TSC22D1: variants seen among roughly 807,000 people sequenced by gnomAD.
TSC22D1 encodes the protein TSC22 domain family member 1, also known as TSC22 domain family protein 1.
TSC22D1 carries 9 observed loss-of-function variants against 74.2 expected under a neutral mutation model. That is an observed-to-expected ratio of 0.12 (90% confidence interval 0.07 to 0.21). TSC22D1 has a LOEUF of 0.21. Among genes scored for constraint, TSC22D1 ranks in the 10% least tolerant of loss-of-function variants. The probability of loss-of-function intolerance (pLI) is 1.00; values close to 1 mark genes in which losing one functional copy is unlikely to be tolerated. For synonymous variants in TSC22D1, 586 were observed against 492.5 expected (o/e 1.19, Z -2.51); for missense variants, 1,427 against 1,304.7 (o/e 1.09, Z -1.44).
intron 1 of TSC22D1, among the ~76,000 whole-genome samples, chr13:44,551,956 T>G (rs1483689915): frequency 6.6e-6 from 1 of 152,198 alleles, no homozygotes; most frequent in African/African-American, 2.4e-5. Flanking sequence ...TCACTCTTAT[T>G]TGGCACAGTA....
At position 44,576,259 on chromosome 13, in the gene TSC22D1, G is replaced by A. The variant is rs1884237713; in HGVS notation, c.-185C>T. On this transcript the variant is annotated 5_prime_UTR_variant, in exon 1 of 3. Transcript: ENST00000458659. ...CTTCGAGAGCGAGCTTCGGAAAGGAGGATGAACGAGGGTGAACAGGGCGGC... is the reference window on the plus strand; with the variant it reads ...CTTCGAGAGCGAGCTTCGGAAAGGAAGATGAACGAGGGTGAACAGGGCGGC... The A allele has an allele frequency of 4.6e-6, 4 of 860,702 alleles. No individual in the cohort carries two copies. In the South Asian group the frequency reaches 5.7e-5, roughly 12 times the overall value. The allele number at this position is 860,702 out of a possible 1,614,324, so 53.3% of individuals were successfully genotyped here. A position where few individuals can be genotyped will look rare whatever the true frequency, so the allele number is the denominator to read the frequency against.
intron 1 of TSC22D1, 179 bp from the exon 2 acceptor site, chr13:44,436,274 G>A (rs1874615846): frequency 1.1e-6 from 1 of 869,614 alleles, no homozygotes; most frequent in Middle Eastern, 3.4e-4. Context: ...GAATATCCAG[G>A]CATCTCCCTA....
rs756458634 is a variant in TSC22D1, at chr13:44,573,540, A to T, written c.2535T>A (p.Pro845=). The change falls in exon 1 of 3, where the codon CCT becomes CCA. Residue 845 remains proline (P), a synonymous_variant. Transcript: ENST00000458659. The part of the protein sequence containing the change: ...QVSSTGPSGM[P]SAPTNLVPPQ... ...GTGGAACCAAGTTTGTTGGGGCAGA[A>T]GGCATTCCAGAAGGACCAGTTGAAC... is the stretch of plus-strand genomic sequence containing the variant. The T allele has an allele frequency of 6.2e-7, 1 of 1,614,262 alleles. No homozygotes were observed.
At chr13:44,458,754 G>C (rs1876819901) in intron 1 of TSC22D1, among the ~76,000 whole-genome samples, 1 of 152,184 alleles carries the variant, frequency 6.6e-6, no homozygotes, top group African/African-American at 2.4e-5. Flanking sequence ...CCAAGCCTGG[G>C]CGCTGTCCGA....
chr13:44,554,131 A>G (rs1882466992), intron 1 of TSC22D1, among the ~76,000 whole-genome samples: 1 of 152,228 alleles, frequency 6.6e-6, no homozygotes, highest in South Asian at 2.1e-4. Context: ...AACTATCAAG[A>G]ACTGAGCCAG....
intron 1 of TSC22D1, among the ~76,000 whole-genome samples, chr13:44,529,659 G>A (rs1880726489): frequency 6.6e-6 from 1 of 152,072 alleles, no homozygotes; most frequent in African/African-American, 2.4e-5. Flanking sequence ...GTTTGCAGAT[G>A]ATATGATTGT....
intron 1 of TSC22D1, among the ~76,000 whole-genome samples, chr13:44,526,050 C>T (rs1361806056): frequency 1.3e-5 from 2 of 152,054 alleles, no homozygotes; most frequent in Non-Finnish European, 2.9e-5. Context: ...TGCAGTTAGC[C>T]AAGACTGTGC....
At chr13:44,536,960 C>CAAAAACA in intron 1 of TSC22D1, 2 of 569,928 alleles carry the variant, frequency 3.5e-6, no homozygotes, top group South Asian at 8.3e-5. Flanking sequence ...AAAAAAAAAA[C>CAAAAACA]AAAAAAAACT....
At chr13:44,478,320 T>G (rs1270324184) in intron 1 of TSC22D1, among the ~76,000 whole-genome samples, 9 of 152,152 alleles carry the variant, frequency 5.9e-5, no homozygotes, top group Non-Finnish European at 1.0e-4. Context: ...CTCCACACAC[T>G]AAGTACTTTA....
intron 1 of TSC22D1, among the ~76,000 whole-genome samples, chr13:44,560,071 A>T (rs997016084): frequency 6.6e-6 from 1 of 152,174 alleles, no homozygotes; most frequent in African/African-American, 2.4e-5. Flanking sequence ...GTCAATTTCT[A>T]AAAAAGGAAA....
chr13:44,539,217 T>C (rs1881322483), intron 1 of TSC22D1: 7 of 985,148 alleles, frequency 7.1e-6, no homozygotes, highest in Admixed American at 6.2e-5. Flanking sequence ...TTCATACTTA[T>C]GTTTTATTAA....
chr13:44,548,171 C>T (rs191904481), intron 1 of TSC22D1, among the ~76,000 whole-genome samples: 1 of 152,304 alleles, frequency 6.6e-6, no homozygotes, highest in East Asian at 1.9e-4. Flanking sequence ...TTACATTTTT[C>T]CAAATCATAT....
intron 1 of TSC22D1, among the ~76,000 whole-genome samples, chr13:44,447,228 C>T (rs1875751218): frequency 6.6e-6 from 1 of 152,050 alleles, no homozygotes; most frequent in South Asian, 2.1e-4. Flanking sequence ...AGGCAGTCCT[C>T]CCACCTTAGC....
rs191138028 is a variant in TSC22D1, at chr13:44,541,569, A to G, written c.2912+31594T>C. Among the ~76,000 whole-genome samples the G allele has an allele frequency of 5.1e-3, 781 of 152,308 alleles. 6 individuals are homozygous for G. Among genetic ancestry groups the G allele is most frequent in the Non-Finnish European group, 8.4e-3 (568 of 68,006 alleles). On this transcript the variant is annotated intron_variant, in intron 1 of 2. Coordinates refer to ENST00000458659, the MANE Select transcript of TSC22D1 (RefSeq NM_183422.4). ...GCTATTTTTTCAATTTAAGCTTCCA[A>G]CAGATTTTAAGTCCAAAAGCCTTTT... is the stretch of plus-strand genomic sequence containing the variant.
chr13:44,481,780 C>T (rs116480167), intron 1 of TSC22D1, among the ~76,000 whole-genome samples: 1,853 of 152,214 alleles, frequency 0.012, 46 homozygotes, highest in African/African-American at 0.041. Context: ...CTAGAATGTG[C>T]AATGGGCCAT....
intron 1 of TSC22D1, among the ~76,000 whole-genome samples, chr13:44,456,430 C>T (rs948942404): frequency 3.9e-5 from 6 of 151,910 alleles, no homozygotes; most frequent in East Asian, 1.9e-4. Flanking sequence ...AGACACAGAG[C>T]GCTGATTGGT....
intron 1 of TSC22D1, among the ~76,000 whole-genome samples, chr13:44,459,912 T>C (rs984752054): frequency 1.3e-5 from 2 of 152,020 alleles, no homozygotes; most frequent in African/African-American, 4.8e-5. Context: ...TGGGTGCCTG[T>C]CTCATCCTTG....
At chr13:44,569,100 C>T (rs1883573454) in intron 1 of TSC22D1, among the ~76,000 whole-genome samples, 1 of 152,066 alleles carries the variant, frequency 6.6e-6, no homozygotes, top group African/African-American at 2.4e-5. Flanking sequence ...CTACATAGGG[C>T]ATGTGAGTTA....
chr13:44,440,202 G>T (rs1202669621), intron 1 of TSC22D1, among the ~76,000 whole-genome samples: 1 of 152,198 alleles, frequency 6.6e-6, no homozygotes, highest in Non-Finnish European at 1.5e-5. Flanking sequence ...AAATGCCAAA[G>T]AAATGGCTGT....
Sources: allele counts gnomAD v4.1 joint callset (sites outside exome capture counted in the v4.1 genomes callset), GRCh38; gene constraint gnomAD v4.1.1; transcripts MANE v1.5; gene names NCBI Gene and HGNC (gene_info 2026-07-23, HGNC 2026-07-21).